SPEN: variants seen among roughly 807,000 people sequenced by gnomAD.
SPEN encodes msx2-interacting protein.
A neutral mutation model predicts 269.9 loss-of-function variants in SPEN; 18 were observed. The ratio of observed to expected loss-of-function variants is 0.07; its 90% CI spans 0.05 to 0.10. The LOEUF is 0.10. Ranked by LOEUF, SPEN falls within the 10% of genes least tolerant of loss-of-function variation. SPEN has a pLI of 1.00. For missense variants in SPEN, 3,822 were observed against 4,631.2 expected (o/e 0.83, Z 5.07); for synonymous variants, 1,726 against 1,765.7 (o/e 0.98, Z 0.56).
At chr1:15,874,395 G>A (rs763348381) in intron 2 of SPEN, 1 of 1,363,740 alleles carries the variant, frequency 7.3e-7, no homozygotes, top group Non-Finnish European at 9.8e-7. Flanking sequence ...ACTTGGAAAA[G>A]GTTGGTATGT....
At chr1:15,910,629 T>G (rs1027653964) in intron 4 of SPEN, among the ~76,000 whole-genome samples, 4 of 148,580 alleles carry the variant, frequency 2.7e-5, no homozygotes, top group South Asian at 2.1e-4. Flanking sequence ...TGTTTTTTGT[T>G]TTTTTTTTTA....
At chr1:15,938,565 CTTTTTTTTT>C (rs200567875) in intron 13 of SPEN, 144 bp from the exon 14 acceptor site, 3 of 238,294 alleles carry the variant, frequency 1.3e-5, no homozygotes, top group Middle Eastern at 1.4e-3. Context: ...TGAAAAAAAG[CTTTTTTTTT>C]TTTTTTTTTT....
Position 15,937,040 on chromosome 1 carries a change from C to G in SPEN, c.10027-123C>G. The G allele has an allele frequency of 7.1e-7, 1 of 1,411,916 alleles. No homozygotes were observed. The highest frequency in any genetic ancestry group is 9.6e-7 in the Non-Finnish European group (1 of 1,044,836). 87.5% of individuals were successfully genotyped at this position (1,411,916 alleles called of 1,614,324 possible). ...CGTTGATTCAGGCTCCTTCTGTGGG[C>G]CTGACTTAACGGGAGATGCCACATC... On this transcript the variant is annotated intron_variant, in intron 11 of 14. Transcript: ENST00000375759. The surrounding 1 kb of genome is among the most constrained non-coding windows in gnomAD (Gnocchi z 5.7).
chr1:15,925,717 G>A (rs187290165), intron 10 of SPEN, among the ~76,000 whole-genome samples: 22 of 151,714 alleles, frequency 1.5e-4, no homozygotes, highest in African/African-American at 2.7e-4. Context: ...TGCCCAGCTC[G>A]TATTTTTAGA....
In SPEN at chr1:15,935,536, G is replaced by A. The variant is rs769053778; in HGVS notation, c.9296G>A (p.Arg3099Lys). 3.1e-6 allele frequency: 5 copies of A among 1,613,934 alleles called. No individual in the cohort carries two copies. The highest frequency in any genetic ancestry group is 4.2e-6 in the Non-Finnish European group (5 of 1,180,000). The stretch of plus-strand genomic sequence containing the variant: ...AGCCACCTCTCCCAGGGCGAGGTGA[G>A]AATGAACACTCCCACGCTGCCCAGT... ...SLSHLSQGEV[R>K]MNTPTLPSIT... is the part of the protein sequence containing the mutation. Residue 3099 changes from arginine (R) to lysine (K), a missense_variant, in exon 11 of 15, where the codon AGA (arginine) becomes AAA (lysine). By Grantham distance (26) the Arg-to-Lys change is conservative (BLOSUM62 2). Coordinates refer to ENST00000375759, the MANE Select transcript of SPEN (RefSeq NM_015001.3). This position sits in a 1 kb window ranked among gnomAD's most constrained non-coding sequence, Gnocchi z 7.7.
intron 2 of SPEN, chr1:15,873,791 T>C: frequency 9.8e-7 from 1 of 1,018,510 alleles, no homozygotes; most frequent in African/African-American, 1.7e-5. Context: ...ATTAAAATGA[T>C]GGATGTTTCC....
At chr1:15,884,763 C>G (rs988795766) in intron 3 of SPEN, among the ~76,000 whole-genome samples, 2 of 147,590 alleles carry the variant, frequency 1.4e-5, no homozygotes, top group African/African-American at 5.0e-5. Flanking sequence ...AAGGCAGAGT[C>G]TTACTTCGTC....
intron 10 of SPEN, among the ~76,000 whole-genome samples, chr1:15,923,397 T>A (rs1250367607): frequency 6.6e-6 from 1 of 152,214 alleles, no homozygotes; most frequent in Non-Finnish European, 1.5e-5. Context: ...TACCTCTGAT[T>A]AAGTTTCCTG....
At position 15,935,981 on chromosome 1, in the gene SPEN, T is replaced by TCCCCC; in HGVS notation, c.9741_9742insCCCCC (p.Ala3248ProfsTer38). The TCCCCC allele has an allele frequency of 1.7e-6, 1 of 595,738 alleles. No individual in the cohort carries two copies. 36.9% of individuals were successfully genotyped at this position (595,738 alleles called of 1,614,324 possible). On this transcript the variant is annotated frameshift_variant, in exon 11 of 15. Transcript: ENST00000375759. LOFTEE classifies it high-confidence loss of function. The surrounding 1 kb of genome is among the most constrained non-coding windows in gnomAD (Gnocchi z 7.7). ...CCAAAGCTGCCCCCACCCCCACCCC[T>TCCCCC]GCCCCCGTCCCTGTCCCTGTCCCCC... is the stretch of plus-strand genomic sequence containing the variant.
intron 4 of SPEN, among the ~76,000 whole-genome samples, chr1:15,909,833 A>T (rs2070995323): frequency 6.6e-6 from 1 of 152,168 alleles, no homozygotes; most frequent in African/African-American, 2.4e-5. Flanking sequence ...TAAATTATTT[A>T]CTAAAATAGG....
chr1:15,888,962 T>G (rs904851655), intron 3 of SPEN, among the ~76,000 whole-genome samples: 1 of 152,010 alleles, frequency 6.6e-6, no homozygotes, highest in Non-Finnish European at 1.5e-5. Context: ...ACTTTACTCA[T>G]TGCAGTTTAG....
At chr1:15,874,989 G>A (rs1010816842) in intron 2 of SPEN, among the ~76,000 whole-genome samples, 7 of 152,068 alleles carry the variant, frequency 4.6e-5, no homozygotes, top group African/African-American at 1.4e-4. Flanking sequence ...ATAAGATTTT[G>A]CCAGATATTC....
chr1:15,875,920 C>G (rs1444047089), intron 2 of SPEN, among the ~76,000 whole-genome samples: 1 of 152,066 alleles, frequency 6.6e-6, no homozygotes, highest in Non-Finnish European at 1.5e-5. Flanking sequence ...TTTATGTATG[C>G]AAGTCAGAAA....
chr1:15,885,432 A>G (rs550702550), intron 3 of SPEN, among the ~76,000 whole-genome samples: 2 of 152,342 alleles, frequency 1.3e-5, no homozygotes, highest in Admixed American at 6.5e-5. Flanking sequence ...TTTTAAGCAT[A>G]CAAGAGGAAG....
At chr1:15,858,167 T>A (rs1312965297) in intron 1 of SPEN, among the ~76,000 whole-genome samples, 1 of 151,588 alleles carries the variant, frequency 6.6e-6, no homozygotes, top group Non-Finnish European at 1.5e-5. Flanking sequence ...TTGCCTAGGC[T>A]GGTCTTGAAC....
intron 1 of SPEN, among the ~76,000 whole-genome samples, chr1:15,856,493 G>T (rs2070389420): frequency 6.6e-6 from 1 of 150,424 alleles, no homozygotes; most frequent in Non-Finnish European, 1.5e-5. Context: ...TTATATTACA[G>T]TTTTTGCAAA....
intron 1 of SPEN, among the ~76,000 whole-genome samples, chr1:15,872,062 C>T (rs1449732209): frequency 6.6e-6 from 1 of 151,150 alleles, no homozygotes; most frequent in African/African-American, 2.4e-5. Context: ...TGGCGAAACC[C>T]CATCTCTACT....
intron 1 of SPEN, among the ~76,000 whole-genome samples, chr1:15,854,831 A>G (rs1298385044): frequency 1.3e-5 from 2 of 152,170 alleles, no homozygotes; most frequent in African/African-American, 4.8e-5. Flanking sequence ...GTGTGTGGAA[A>G]TATGCTTTGC....
At position 15,935,350 on chromosome 1, in the gene SPEN, C is replaced by A. The variant is rs777119046; in HGVS notation, c.9110C>A (p.Pro3037Gln). 3 of 1,614,138 alleles carry A rather than the reference C, an allele frequency of 1.9e-6. No individual in the cohort carries two copies. The South Asian group carries it at 3.3e-5, about 18-fold the overall frequency. Reference sequence around the variant, plus strand: ...AGTGGACCCGGGCCATCCTCATTCCCAAGGGCAAGCCACCCCAGCAGTACT... The same window carrying A: ...AGTGGACCCGGGCCATCCTCATTCCAAAGGGCAAGCCACCCCAGCAGTACT... ...RPSGPGPSSF[P>Q]RASHPSSTAS... The change falls in exon 11 of 15, where the codon CCA becomes CAA. Residue 3037 changes from proline (P) to glutamine (Q), a missense_variant. This residue lies in a region of SPEN where 94 missense variants were observed against 90.4 expected (regional missense o/e 1.04). Transcript: ENST00000375759. This position sits in a 1 kb window ranked among gnomAD's most constrained non-coding sequence, Gnocchi z 7.7.
Sources: allele counts gnomAD v4.1 joint callset (sites outside exome capture counted in the v4.1 genomes callset), GRCh38; gene constraint gnomAD v4.1.1; regional missense constraint gnomAD v4.1.1; non-coding constraint Gnocchi (gnomAD v3.1); transcripts MANE v1.5; gene names NCBI Gene and HGNC (gene_info 2026-07-23, HGNC 2026-07-21).